SNX24: variants seen among roughly 807,000 people sequenced by gnomAD.
SNX24 encodes sorting nexin-24.
SNX24 carries 22 observed loss-of-function variants against 28.7 expected under a neutral mutation model. That is an observed-to-expected ratio of 0.77 (90% CI 0.55 to 1.10). The LOEUF (loss-of-function observed/expected upper bound fraction) is 1.10. Ranked by LOEUF, SNX24 falls within the 50% of genes least tolerant of loss-of-function variation. The probability of loss-of-function intolerance (pLI) is 0.00; values close to 1 mark genes in which losing one functional copy is unlikely to be tolerated. For missense variants in SNX24, 221 were observed against 201.1 expected (o/e 1.10, Z -0.60); for synonymous variants, 69 against 71.5 (o/e 0.96, Z 0.18).
intron 3 of SNX24, among the ~76,000 whole-genome samples, chr5:122,981,256 C>G (rs1175084589): frequency 6.6e-6 from 1 of 152,118 alleles, no homozygotes; most frequent in East Asian, 1.9e-4. Flanking sequence ...AAAGTCCTCC[C>G]CATTCTCTTG....
chr5:122,936,663 C>A, intron 1 of SNX24, 71 bp from the exon 2 acceptor site: 3 of 915,646 alleles, frequency 3.3e-6, no homozygotes, highest in South Asian at 1.6e-5. Context: ...ATATCATGGT[C>A]ACAAACTTAC....
chr5:122,928,795 G>A (rs369117157), intron 1 of SNX24, among the ~76,000 whole-genome samples: 1 of 151,352 alleles, frequency 6.6e-6, no homozygotes, highest in African/African-American at 2.4e-5. Context: ...TAAGTGATGA[G>A]TATATGGCTA....
chr5:122,966,020 A>G (rs753153343), intron 3 of SNX24, among the ~76,000 whole-genome samples: 8 of 152,256 alleles, frequency 5.3e-5, no homozygotes, highest in Admixed American at 3.9e-4. Context: ...TACCTCTGGC[A>G]TATCAAAAAG....
chr5:122,954,529 CT>C (rs1760120139), intron 3 of SNX24, among the ~76,000 whole-genome samples: 1 of 147,008 alleles, frequency 6.8e-6, no homozygotes, highest in African/African-American at 2.5e-5. Flanking sequence ...TTTTTTCTTT[CT>C]ATTGTTCCCC....
intron 3 of SNX24, among the ~76,000 whole-genome samples, chr5:122,954,836 A>T (rs1371330875): frequency 1.3e-5 from 2 of 152,012 alleles, no homozygotes; most frequent in East Asian, 3.9e-4. Flanking sequence ...TTTAATTTTG[A>T]TGTGTCTTGG....
intron 1 of SNX24, among the ~76,000 whole-genome samples, chr5:122,895,008 C>CT (rs11292012): frequency 1.9e-4 from 28 of 144,468 alleles, no homozygotes; most frequent in Non-Finnish European, 3.5e-4. Flanking sequence ...TTTAACAGTA[C>CT]TTTTTTTTTT....
intron 1 of SNX24, among the ~76,000 whole-genome samples, chr5:122,897,488 A>C (rs2150076161): frequency 6.6e-6 from 1 of 152,324 alleles, no homozygotes; most frequent in South Asian, 2.1e-4. Context: ...AAAGGAAAGA[A>C]TGGATCATTT....
chr5:123,025,152 G>A (rs1372032904), intron 5 of SNX24, among the ~76,000 whole-genome samples: 1 of 151,950 alleles, frequency 6.6e-6, no homozygotes, highest in Non-Finnish European at 1.5e-5. Flanking sequence ...TTTTAATTCT[G>A]GTAAGAAATA....
intron 3 of SNX24, chr5:122,965,349 T>C (rs1760674549): frequency 2.4e-6 from 1 of 414,806 alleles, no homozygotes; most frequent in Non-Finnish European, 4.9e-6. Context: ...GCCGACTGGC[T>C]GCCACAGGTA....
intron 1 of SNX24, among the ~76,000 whole-genome samples, chr5:122,888,311 A>G (rs1756803868): frequency 6.6e-6 from 1 of 152,118 alleles, no homozygotes; most frequent in Non-Finnish European, 1.5e-5. Context: ...CCTATCCGTT[A>G]GGGAGGGAGA....
intron 1 of SNX24, among the ~76,000 whole-genome samples, chr5:122,887,670 T>C (rs766000): frequency 6.6e-6 from 1 of 152,238 alleles, no homozygotes; most frequent in African/African-American, 2.4e-5. Context: ...GTCTAATTGG[T>C]TGTTTAACTG....
chr5:122,864,203 A>G (rs1245212713), intron 1 of SNX24, among the ~76,000 whole-genome samples: 1 of 152,098 alleles, frequency 6.6e-6, no homozygotes, highest in Non-Finnish European at 1.5e-5. Context: ...AAAGATGATG[A>G]TGGCTTAGAA....
At chr5:122,917,004 C>G (rs1024696821) in intron 1 of SNX24, among the ~76,000 whole-genome samples, 4 of 152,130 alleles carry the variant, frequency 2.6e-5, no homozygotes, top group African/African-American at 9.7e-5. Flanking sequence ...CGCGGTGGCT[C>G]ACGCCTGTAA....
At chr5:122,867,743 C>T (rs1302064535) in intron 1 of SNX24, among the ~76,000 whole-genome samples, 1 of 152,180 alleles carries the variant, frequency 6.6e-6, no homozygotes, top group Non-Finnish European at 1.5e-5. Context: ...TGAGATCACC[C>T]TTTGGTGGGC....
intron 1 of SNX24, among the ~76,000 whole-genome samples, chr5:122,903,930 A>G (rs568067098): frequency 1.5e-4 from 23 of 152,310 alleles, no homozygotes; most frequent in African/African-American, 5.5e-4. Context: ...ATGTTTCAAT[A>G]ATTACATTAA....
At chr5:123,023,979 G>A in intron 5 of SNX24, 12 of 1,613,642 alleles carry the variant, frequency 7.4e-6, no homozygotes, top group Non-Finnish European at 1.0e-5. Context: ...TCAGTTGCTT[G>A]GAGCTCTATG....
chr5:122,917,298 A>G (rs1758221492), intron 1 of SNX24, among the ~76,000 whole-genome samples: 1 of 151,716 alleles, frequency 6.6e-6, no homozygotes, highest in African/African-American at 2.4e-5. Context: ...GCTCCTCAAC[A>G]TCTCTCCTTG....
chr5:122,957,363 T>A lies in SNX24; in HGVS notation c.249+11204T>A, dbSNP rs982026305. On this transcript the variant is annotated intron_variant, in intron 3 of 6. Coordinates refer to ENST00000261369, the MANE Select transcript of SNX24 (RefSeq NM_014035.4). ...TTTATTTCTGTACTGTTTATGCCAT[T>A]ACATTGGTCTATATGTCTATCATAT... 2.6e-5 allele frequency among the ~76,000 whole-genome samples: 4 copies of A among 152,346 alleles called. No individual in the cohort carries two copies. In the East Asian group the frequency reaches 7.7e-4, roughly 29 times the overall value.
At chr5:123,029,245 C>A in exon 6 of SNX24, 1 of 1,613,490 alleles carries the variant, frequency 6.2e-7, no homozygotes, top group Middle Eastern at 1.7e-4. Flanking sequence ...CAGATGACAT[C>A]TTTATATTTG....
Sources: allele counts gnomAD v4.1 joint callset (sites outside exome capture counted in the v4.1 genomes callset), GRCh38; gene constraint gnomAD v4.1.1; transcripts MANE v1.5; gene names NCBI Gene and HGNC (gene_info 2026-07-23, HGNC 2026-07-21).